Variants in RNLS observed in about 807,000 individuals in gnomAD.
RNLS encodes the protein renalase.
In RNLS, 39 loss-of-function variants were observed where a neutral mutation model predicts 39.8. That is an observed-to-expected ratio of 0.98 (90% confidence interval 0.76 to 1.28). The LOEUF (loss-of-function observed/expected upper bound fraction) is 1.28. Among genes scored for constraint, RNLS ranks in the 50% most tolerant of loss-of-function variants. The pLI, the probability that RNLS is intolerant of heterozygous loss-of-function variation, is 0.00. For synonymous variants in RNLS, 147 were observed against 150.7 expected, an observed-to-expected ratio of 0.98 and a Z score of 0.18; for missense variants, 410 against 413.3, an observed-to-expected ratio of 0.99 and a Z score of 0.07.
At chr10:88,301,922 G>A (rs190967195) in intron 6 of RNLS, among the ~76,000 whole-genome samples, 18 of 152,252 alleles carry the variant, frequency 1.2e-4, no homozygotes, top group African/African-American at 3.9e-4. Context: ...AGAGAGCAAC[G>A]AACACAGAGC....
At chr10:88,354,710 G>A (rs914162362) in intron 5 of RNLS, among the ~76,000 whole-genome samples, 13 of 152,028 alleles carry the variant, frequency 8.6e-5, no homozygotes, top group Non-Finnish European at 1.6e-4. Context: ...TGCTCTTCTC[G>A]ACAATTATCT....
chr10:88,275,620 T>G (rs985724122), intron 6 of RNLS, among the ~76,000 whole-genome samples: 1 of 152,134 alleles, frequency 6.6e-6, no homozygotes, highest in African/African-American at 2.4e-5. Flanking sequence ...GGAAAAATAC[T>G]AAAAATACAA....
At chr10:88,362,475 A>C in intron 5 of RNLS, 77 bp downstream of exon 5, 2 of 1,301,966 alleles carry the variant, frequency 1.5e-6, no homozygotes, top group Non-Finnish European at 2.1e-6. Context: ...GAATGGCAAC[A>C]CTCAATTAAA....
chr10:88,243,924 C>T, the RNLS span, among the ~76,000 whole-genome samples: 1 of 152,216 alleles, frequency 6.6e-6, no homozygotes, highest in Non-Finnish European at 1.5e-5. Flanking sequence ...TGTGGGAAGC[C>T]TGAATAGCCA....
At chr10:88,338,705 C>T (rs1382311248) in intron 5 of RNLS, among the ~76,000 whole-genome samples, 2 of 151,110 alleles carry the variant, frequency 1.3e-5, no homozygotes, top group African/African-American at 4.9e-5. Flanking sequence ...TGAATCATGC[C>T]ATGAGTTTGA....
chr10:88,302,902 A>C (rs1844634227), intron 6 of RNLS, among the ~76,000 whole-genome samples: 1 of 152,248 alleles, frequency 6.6e-6, no homozygotes, highest in Non-Finnish European at 1.5e-5. Flanking sequence ...AGATGCAGCC[A>C]GGTGGAATGG....
intron 4 of RNLS, among the ~76,000 whole-genome samples, chr10:88,426,874 G>A (rs984093550): frequency 1.3e-4 from 20 of 152,004 alleles, no homozygotes; most frequent in African/African-American, 4.6e-4. Flanking sequence ...TCAGAAAGAT[G>A]TCAGATAAAG....
At chr10:88,306,700 C>T (rs1351009550) in intron 6 of RNLS, among the ~76,000 whole-genome samples, 1 of 151,908 alleles carries the variant, frequency 6.6e-6, no homozygotes, top group Non-Finnish European at 1.5e-5. Flanking sequence ...GCCTACGAAC[C>T]AAAAAAATCT....
intron 4 of RNLS, among the ~76,000 whole-genome samples, chr10:88,472,492 A>G (rs921897900): frequency 4.6e-5 from 7 of 152,154 alleles, no homozygotes; most frequent in South Asian, 2.1e-4. Context: ...CTGCCCAAAC[A>G]AGACTTCAAG....
chr10:88,404,636 G>A (rs929955390), intron 4 of RNLS, among the ~76,000 whole-genome samples: 8 of 151,998 alleles, frequency 5.3e-5, no homozygotes, highest in African/African-American at 1.7e-4. Flanking sequence ...TATAAGAATG[G>A]ATCCTAAACT....
At chr10:88,389,116 G>A (rs779156382) in intron 4 of RNLS, among the ~76,000 whole-genome samples, 10 of 152,084 alleles carry the variant, frequency 6.6e-5, no homozygotes, top group Non-Finnish European at 1.3e-4. Context: ...TGGGACTTGA[G>A]GGATGGTATA....
chr10:88,433,502 ATATT>A (rs1203492244), intron 4 of RNLS, among the ~76,000 whole-genome samples: 17 of 152,096 alleles, frequency 1.1e-4, no homozygotes, highest in African/African-American at 3.9e-4. Context: ...AAATACCATA[ATATT>A]TATTTTACAA....
chr10:88,214,839 G>A, the RNLS span, among the ~76,000 whole-genome samples: 1 of 152,150 alleles, frequency 6.6e-6, no homozygotes, highest in Non-Finnish European at 1.5e-5. Context: ...ACTGTTGAAA[G>A]AGTGGTTAGT....
chr10:88,305,316 C>A (rs992245060), intron 6 of RNLS, among the ~76,000 whole-genome samples: 15 of 152,244 alleles, frequency 9.9e-5, no homozygotes, highest in African/African-American at 2.9e-4. Flanking sequence ...AAGCTAACAT[C>A]ATGATAACAG....
At chr10:88,583,031 G>C in intron 1 of RNLS, 42 bp downstream of exon 1, 1 of 1,595,294 alleles carries the variant, frequency 6.3e-7, no homozygotes, top group Non-Finnish European at 8.6e-7. Flanking sequence ...CAGCCTGCCC[G>C]GCAGTCCTCT....
Position 88,554,089 on chromosome 10 carries a change from G to A in RNLS, c.526+18814C>T, listed in dbSNP as rs192595736. Among the ~76,000 whole-genome samples the A allele has an allele frequency of 9.6e-4, 145 of 150,704 alleles. 1 individual carries two copies. Among genetic ancestry groups the A allele is most frequent in the African/African-American group, 2.8e-3 (116 of 41,038 alleles). ...ATTAGTTGTCAGTTTTACATACTTC[G>A]CCCACAATGAGCAACATCACCAACC... On this transcript the variant is annotated intron_variant, in intron 4 of 6. Coordinates refer to ENST00000331772, the MANE Select transcript of RNLS (RefSeq NM_001031709.3).
At chr10:88,312,448 G>A (rs1845446769) in intron 6 of RNLS, among the ~76,000 whole-genome samples, 1 of 152,152 alleles carries the variant, frequency 6.6e-6, no homozygotes, top group African/African-American at 2.4e-5. Context: ...TGACCTCCAG[G>A]ACTGTAAGAT....
the RNLS span, among the ~76,000 whole-genome samples, chr10:88,249,535 G>A: frequency 2.6e-5 from 4 of 152,162 alleles, no homozygotes; most frequent in African/African-American, 9.7e-5. Context: ...GGGACCTCAG[G>A]TGTGAAGACT....
At chr10:88,344,804 A>G (rs1848199576) in intron 5 of RNLS, among the ~76,000 whole-genome samples, 1 of 152,108 alleles carries the variant, frequency 6.6e-6, no homozygotes, top group Admixed American at 6.6e-5. Context: ...TACAAACATG[A>G]ATTTGGAATA....
Sources: gnomAD v4.1 joint callset for allele counts (sites outside exome capture counted in the v4.1 genomes callset) on GRCh38, gnomAD v4.1.1 for gene constraint, MANE v1.5 for transcripts, NCBI Gene and HGNC (gene_info 2026-07-23, HGNC 2026-07-21) for gene names.